TEAD1: variants seen among roughly 807,000 people sequenced by gnomAD.
TEAD1 encodes the protein TEA domain transcription factor 1.
In TEAD1, 9 loss-of-function variants were observed where a neutral mutation model predicts 54.9. The ratio of observed to expected loss-of-function variants is 0.16; its 90% confidence interval spans 0.10 to 0.29. The LOEUF is 0.29. TEAD1 is among the 10% of genes least tolerant of loss of function. The probability of loss-of-function intolerance (pLI) is 1.00; values close to 1 mark genes in which losing one functional copy is unlikely to be tolerated. For missense variants in TEAD1, 387 were observed against 535.9 expected, an observed-to-expected ratio of 0.72 and a Z score of 2.74; for synonymous variants, 200 against 187.8, an observed-to-expected ratio of 1.07 and a Z score of -0.53.
At chr11:12,766,201 T>C (rs1945204318) in intron 3 of TEAD1, among the ~76,000 whole-genome samples, 1 of 152,224 alleles carries the variant, frequency 6.6e-6, no homozygotes, top group Non-Finnish European at 1.5e-5. Context: ...GAATAAGGTT[T>C]TGGGGCTGAG....
chr11:12,697,347 A>G (rs375433382), intron 2 of TEAD1, among the ~76,000 whole-genome samples: 1 of 152,332 alleles, frequency 6.6e-6, no homozygotes, highest in South Asian at 2.1e-4. Context: ...TCTCAAGGAG[A>G]CCAGTATGGT....
In TEAD1 at chr11:12,942,771, CAT is replaced by C. The variant is rs1417786539; in HGVS notation, c.*5550_*5551del. 2 of 152,208 alleles carry C rather than the reference CAT, an allele frequency of 1.3e-5. No homozygotes were observed. Among genetic ancestry groups the C allele is most frequent in the Non-Finnish European group, 2.9e-5 (2 of 68,046 alleles). The allele number at this position is 152,208 out of a possible 1,614,324, so 9.4% of individuals were successfully genotyped here. A position where few individuals can be genotyped will look rare whatever the true frequency, so the allele number is the denominator to read the frequency against. On this transcript the variant is annotated 3_prime_UTR_variant, in exon 13 of 13. Coordinates refer to ENST00000527636, the MANE Select transcript of TEAD1 (RefSeq NM_021961.6). ...ATTGAAGTGTTCTTCTTAGGGCAAA[CAT>C]GTTGACTCCGAGTATTGTGTATGAA...
rs977590984 is a variant in TEAD1, at chr11:12,882,272, G to A, written c.574+315G>A. On this transcript the variant is annotated intron_variant, in intron 8 of 12. Transcript: ENST00000527636. ...TCCTCAATATAAACTGGCCAAATTA[G>A]GCAGTCTAAGTCTCAAGGCCAGATA... Among the ~76,000 whole-genome samples the A allele has an allele frequency of 6.6e-5, 10 of 152,100 alleles. No individual in the cohort carries two copies. In the South Asian group the frequency reaches 8.3e-4, roughly 13 times the overall value.
intron 3 of TEAD1, among the ~76,000 whole-genome samples, chr11:12,830,573 C>G (rs1029310988): frequency 4.6e-5 from 7 of 152,150 alleles, no homozygotes; most frequent in Admixed American, 1.3e-4. Context: ...AGCCCAGCCC[C>G]TTTGTTCTTG....
chr11:12,857,406 A>G (rs1021803724), intron 3 of TEAD1, among the ~76,000 whole-genome samples: 7 of 152,194 alleles, frequency 4.6e-5, no homozygotes, highest in African/African-American at 1.7e-4. Context: ...GAGAAGCTTT[A>G]TATCTCTCTC....
chr11:12,867,085 C>T (rs954364457), intron 5 of TEAD1, among the ~76,000 whole-genome samples: 10 of 152,152 alleles, frequency 6.6e-5, no homozygotes, highest in South Asian at 2.1e-4. Flanking sequence ...GGGCATGATA[C>T]TGAGGAAACT....
chr11:12,770,129 TGGA>T (rs1168727057), intron 3 of TEAD1, among the ~76,000 whole-genome samples: 1 of 152,234 alleles, frequency 6.6e-6, no homozygotes, highest in African/African-American at 2.4e-5. Context: ...GGGTTAATTC[TGGA>T]ATGCTCAGAA....
At chr11:12,885,888 A>G (rs1246526221) in intron 9 of TEAD1, among the ~76,000 whole-genome samples, 1 of 152,220 alleles carries the variant, frequency 6.6e-6, no homozygotes, top group Non-Finnish European at 1.5e-5. Flanking sequence ...AAGAAGCTGT[A>G]CAGGAGAGGG....
At chr11:12,934,972 G>C (rs1234996248) in intron 12 of TEAD1, among the ~76,000 whole-genome samples, 4 of 152,072 alleles carry the variant, frequency 2.6e-5, no homozygotes, top group African/African-American at 4.8e-5. Flanking sequence ...TGCCTCGATG[G>C]ATAAGGAGAC....
intron 2 of TEAD1, among the ~76,000 whole-genome samples, chr11:12,739,238 A>ATCTATCTG (rs1554927202): frequency 6.6e-4 from 100 of 151,676 alleles, no homozygotes; most frequent in African/African-American, 2.0e-3. Context: ...CTATCTATCT[A>ATCTATCTG]TCTATCAGTC....
chr11:12,863,273 C>A (rs1036775839), intron 4 of TEAD1, among the ~76,000 whole-genome samples: 3 of 152,142 alleles, frequency 2.0e-5, no homozygotes, highest in Admixed American at 6.5e-5. Context: ...TGTGCCACAG[C>A]CTGGGAGCCT....
At chr11:12,765,411 C>T (rs1405162797) in intron 3 of TEAD1, among the ~76,000 whole-genome samples, 1 of 152,192 alleles carries the variant, frequency 6.6e-6, no homozygotes, top group African/African-American at 2.4e-5. Flanking sequence ...CACAAATAAC[C>T]TAACCTCAAA....
intron 5 of TEAD1, among the ~76,000 whole-genome samples, chr11:12,877,719 C>T (rs1023053868): frequency 2.6e-5 from 4 of 151,498 alleles, no homozygotes; most frequent in African/African-American, 7.3e-5. Context: ...TTCCCCCCTC[C>T]CCTCCCTTTC....
chr11:12,774,911 C>T (rs1268310404), intron 3 of TEAD1, among the ~76,000 whole-genome samples: 1 of 151,894 alleles, frequency 6.6e-6, no homozygotes, highest in African/African-American at 2.4e-5. Context: ...GGAAAAATAA[C>T]GAATGGGTAC....
At chr11:12,675,191 G>T (rs1943053585) in intron 1 of TEAD1, among the ~76,000 whole-genome samples, 2 of 151,236 alleles carry the variant, frequency 1.3e-5, no homozygotes, top group Admixed American at 6.6e-5. Flanking sequence ...TGGACGGGGT[G>T]CGCTGGGGAG....
chr11:12,857,911 C>G (rs1947423868), intron 3 of TEAD1, among the ~76,000 whole-genome samples: 1 of 152,078 alleles, frequency 6.6e-6, no homozygotes, highest in Non-Finnish European at 1.5e-5. Context: ...ATGATGAAAT[C>G]CTGTCTTTAC....
chr11:12,712,051 C>G (rs550765151), intron 2 of TEAD1, among the ~76,000 whole-genome samples: 14 of 152,326 alleles, frequency 9.2e-5, no homozygotes, highest in African/African-American at 3.4e-4. Context: ...GTGTCCATTT[C>G]TGGGCCCACT....
At chr11:12,686,034 C>T (rs1480506996) in intron 2 of TEAD1, among the ~76,000 whole-genome samples, 2 of 152,124 alleles carry the variant, frequency 1.3e-5, no homozygotes. Flanking sequence ...GGCAGTTTTG[C>T]CTATTTGTAT....
chr11:12,692,365 C>CA (rs1188047158), intron 2 of TEAD1, among the ~76,000 whole-genome samples: 2 of 152,138 alleles, frequency 1.3e-5, no homozygotes, highest in Non-Finnish European at 2.9e-5. Context: ...TGTATGCGTT[C>CA]ACAGTGCAGC....
Sources: allele counts gnomAD v4.1 joint callset (sites outside exome capture counted in the v4.1 genomes callset), GRCh38; gene constraint gnomAD v4.1.1; transcripts MANE v1.5; gene names NCBI Gene and HGNC (gene_info 2026-07-23, HGNC 2026-07-21).